Variants in GRIN2B observed in about 807,000 individuals in gnomAD.
GRIN2B encodes the protein glutamate receptor ionotropic, NMDA 2B.
A neutral mutation model predicts 114.5 loss-of-function variants in GRIN2B; 5 were observed. The ratio of observed to expected loss-of-function variants is 0.04; its 90% CI spans 0.02 to 0.09. The LOEUF is 0.09. Ranked by LOEUF, GRIN2B falls within the 10% of genes least tolerant of loss-of-function variation. The pLI is 1.00. For missense variants in GRIN2B, 1,108 were observed against 1,943.5 expected, an observed-to-expected ratio of 0.57 and a Z score of 8.08; for synonymous variants, 787 against 745.1, an observed-to-expected ratio of 1.06 and a Z score of -0.92.
At chr12:13,743,193 T>C (rs1863315449) in intron 4 of GRIN2B, among the ~76,000 whole-genome samples, 1 of 152,340 alleles carries the variant, frequency 6.6e-6, no homozygotes, top group Middle Eastern at 3.4e-3. Flanking sequence ...CGACACTCTG[T>C]ATGACAAGAA....
intron 3 of GRIN2B, among the ~76,000 whole-genome samples, chr12:13,843,505 TG>T (rs1292302067): frequency 6.6e-6 from 1 of 152,214 alleles, no homozygotes; most frequent in Non-Finnish European, 1.5e-5. Context: ...TTAAAATGTC[TG>T]CACCTTCAGG....
At chr12:13,573,535 AT>A (rs1200403393) in intron 10 of GRIN2B, among the ~76,000 whole-genome samples, 1 of 127,498 alleles carries the variant, frequency 7.8e-6, no homozygotes. Flanking sequence ...TTGTGTCTCT[AT>A]TCTGCATTTC....
At chr12:13,980,930 G>C (rs987567364) in intron 1 of GRIN2B, among the ~76,000 whole-genome samples, 33 of 151,878 alleles carry the variant, frequency 2.2e-4, no homozygotes, top group Admixed American at 5.9e-4. Flanking sequence ...CACGCGCCCC[G>C]CGCGCACTCA....
In GRIN2B at chr12:13,946,486, G is replaced by C. The variant is rs550228771; in HGVS notation, c.-19+33442C>G. ...AAATTTTATTGTAATGTAATATATA[G>C]GTTACATTATATACATGATGCTTGA... On this transcript the variant is annotated intron_variant, in intron 2 of 13. Transcript: ENST00000609686. Among the ~76,000 whole-genome samples the C allele has an allele frequency of 2.0e-5, 3 of 151,652 alleles. No homozygotes were observed. In the South Asian group the frequency reaches 6.3e-4, roughly 32 times the overall value.
At chr12:13,951,332 C>T (rs1867474670) in intron 2 of GRIN2B, among the ~76,000 whole-genome samples, 1 of 152,046 alleles carries the variant, frequency 6.6e-6, no homozygotes. Flanking sequence ...CAGAGTGATC[C>T]CTGAGCAGTC....
At chr12:13,937,096 A>AG (rs761130234) in intron 2 of GRIN2B, among the ~76,000 whole-genome samples, 1,768 of 128,608 alleles carry the variant, frequency 0.014, 31 homozygotes, top group African/African-American at 0.032. Flanking sequence ...AAAAAAAAAA[A>AG]GGGGGGGGGG....
intron 5 of GRIN2B, among the ~76,000 whole-genome samples, chr12:13,656,299 C>T (rs74339601): frequency 0.026 from 3,941 of 152,222 alleles, 166 homozygotes; most frequent in African/African-American, 0.089. Flanking sequence ...AATGGTCACA[C>T]GTAAAACAGT....
rs144180842 is a variant in GRIN2B, at chr12:13,742,208, G to A, written c.1010+11109C>T. Among the ~76,000 whole-genome samples the A allele has an allele frequency of 8.5e-5, 13 of 152,160 alleles. No homozygotes were observed. The East Asian group carries it at 2.5e-3, about 29-fold the overall frequency. On this transcript the variant is annotated intron_variant, in intron 4 of 13. Coordinates refer to ENST00000609686, the MANE Select transcript of GRIN2B (RefSeq NM_000834.5). ...GCGTAGATGACATTTCTCCCCAAAT[G>A]GTGTTATACAACTCTGCTTTTCAAG...
intron 4 of GRIN2B, among the ~76,000 whole-genome samples, chr12:13,709,738 T>C (rs1021207637): frequency 3.9e-5 from 6 of 152,034 alleles, no homozygotes; most frequent in Non-Finnish European, 7.4e-5. Flanking sequence ...GCAGGTATTA[T>C]TTCTCAGCAT....
Position 13,547,981 on chromosome 12 carries a change from A to ATATATATATATATATATATATATTT in GRIN2B, c.*14801_*14802insAAATATATATATATATATATATATA. On this transcript the variant is annotated 3_prime_UTR_variant, in exon 14 of 14. Transcript: ENST00000609686. ...TGTGTATATATATATATATATATAT[A>ATATATATATATATATATATATATTT]TTTTTTTTTTTTTTCTGAAAGCTAC... is the stretch of plus-strand genomic sequence containing the variant. 1.5e-5 allele frequency: 1 copy of ATATATATATATATATATATATATTT among 68,592 alleles called. No individual in the cohort carries two copies. Among genetic ancestry groups the ATATATATATATATATATATATATTT allele is most frequent in the African/African-American group, 4.6e-5 (1 of 21,782 alleles). 4.2% of individuals were successfully genotyped at this position (68,592 alleles called of 1,614,324 possible). A position where few individuals can be genotyped will look rare whatever the true frequency, so the allele number is the denominator to read the frequency against.
At chr12:13,916,735 A>ACAAATGTGTGTGTG (rs59238170) in intron 2 of GRIN2B, among the ~76,000 whole-genome samples, 2 of 101,904 alleles carry the variant, frequency 2.0e-5, no homozygotes, top group African/African-American at 7.0e-5. Flanking sequence ...ACACACACAC[A>ACAAATGTGTGTGTG]TTTGTGTGTG....
At chr12:13,857,567 G>A (rs1361117239) in intron 3 of GRIN2B, among the ~76,000 whole-genome samples, 1 of 152,176 alleles carries the variant, frequency 6.6e-6, no homozygotes, top group Non-Finnish European at 1.5e-5. Flanking sequence ...GAGAAGACTA[G>A]ACTAAAGACA....
intron 3 of GRIN2B, among the ~76,000 whole-genome samples, chr12:13,810,599 G>A (rs145423751): frequency 1.4e-4 from 21 of 152,108 alleles, no homozygotes; most frequent in East Asian, 3.9e-4. Flanking sequence ...GCCTCCCTTC[G>A]TACAGGGCCC....
At chr12:13,743,015 A>C (rs1255976086) in intron 4 of GRIN2B, among the ~76,000 whole-genome samples, 1 of 152,186 alleles carries the variant, frequency 6.6e-6, no homozygotes, top group African/African-American at 2.4e-5. Context: ...GCTAGCAGGC[A>C]TCTGAGTCCT....
intron 10 of GRIN2B, among the ~76,000 whole-genome samples, chr12:13,593,264 T>C (rs1047432565): frequency 6.6e-6 from 1 of 152,216 alleles, no homozygotes; most frequent in Non-Finnish European, 1.5e-5. Flanking sequence ...AGAACAAAGC[T>C]GGAGGCATCA....
intron 10 of GRIN2B, among the ~76,000 whole-genome samples, chr12:13,574,841 T>C (rs1169142147): frequency 6.6e-6 from 1 of 152,212 alleles, no homozygotes; most frequent in Non-Finnish European, 1.5e-5. Flanking sequence ...TAAGATTCAT[T>C]ATAAAGCTAC....
intron 4 of GRIN2B, among the ~76,000 whole-genome samples, chr12:13,718,805 G>A (rs1950481915): frequency 6.6e-6 from 1 of 151,970 alleles, no homozygotes; most frequent in Non-Finnish European, 1.5e-5. Context: ...TTTAAAAGGG[G>A]ATATAATGAC....
chr12:13,849,581 T>C (rs1298781530), intron 3 of GRIN2B, among the ~76,000 whole-genome samples: 1 of 151,924 alleles, frequency 6.6e-6, no homozygotes, highest in Non-Finnish European at 1.5e-5. Flanking sequence ...GGAAAGGTTC[T>C]GGCAGAGACC....
At position 13,616,481 on chromosome 12, in the gene GRIN2B, G is replaced by T; in HGVS notation, c.1302C>A (p.Val434=). Residue 434 remains valine (V), a synonymous_variant, in exon 6 of 14, where the codon GTC becomes GTA. Transcript: ENST00000609686. ...CAGTGACTATGCGTTTTTGGCAGGG[G>T]ACTGTGTTCCTCATGCAGGTTCCAC... ...PLSGTCMRNT[V]PCQKRIVTEN... 1 of 1,613,762 alleles carries T rather than the reference G, an allele frequency of 6.2e-7. No homozygotes were observed. Among genetic ancestry groups the T allele is most frequent in the South Asian group, 1.1e-5 (1 of 91,058 alleles).
Sources: gnomAD v4.1 joint callset for allele counts (sites outside exome capture counted in the v4.1 genomes callset) on GRCh38, gnomAD v4.1.1 for gene constraint, MANE v1.5 for transcripts, NCBI Gene and HGNC (gene_info 2026-07-23, HGNC 2026-07-21) for gene names.